The following DPYD variants were observed in gnomAD, a reference collection of about 807,000 sequenced individuals.
DPYD encodes dihydropyrimidine dehydrogenase [NADP(+)].
Under a neutral mutation model 116.2 loss-of-function variants are expected in DPYD, and 109 were observed. The observed-to-expected ratio is 0.94, with a 90% CI of 0.80 to 1.10. The LOEUF is 1.10. DPYD is among the 50% of genes least tolerant of loss of function. DPYD has a pLI of 0.00. For missense variants in DPYD, 1,302 were observed against 1,254.5 expected (o/e 1.04, Z -0.57); for synonymous variants, 440 against 432.0 (o/e 1.02, Z -0.23).
intron 20 of DPYD, among the ~76,000 whole-genome samples, chr1:97,138,867 C>G (rs1412630865): frequency 6.6e-6 from 1 of 152,130 alleles, no homozygotes; most frequent in Non-Finnish European, 1.5e-5. Context: ...TTATGAGTTA[C>G]TGTGCAGCAC....
At chr1:97,119,176 A>G in intron 20 of DPYD, among the ~76,000 whole-genome samples, 1 of 152,224 alleles carries the variant, frequency 6.6e-6, no homozygotes. Flanking sequence ...ATGGCAGTGC[A>G]TTCTATAATT....
chr1:97,706,693 T>C (rs1401102532), intron 5 of DPYD, among the ~76,000 whole-genome samples: 1 of 152,108 alleles, frequency 6.6e-6, no homozygotes, highest in Non-Finnish European at 1.5e-5. Context: ...CATGGCTTGA[T>C]AGCTCCTCTC....
chr1:97,086,534 C>A (rs955164979), intron 21 of DPYD, among the ~76,000 whole-genome samples: 1 of 152,130 alleles, frequency 6.6e-6, no homozygotes. Flanking sequence ...TATTTTCAAA[C>A]TGTGATTATC....
intron 20 of DPYD, among the ~76,000 whole-genome samples, chr1:97,119,378 G>A (rs1652244078): frequency 6.6e-6 from 1 of 152,140 alleles, no homozygotes; most frequent in African/African-American, 2.4e-5. Context: ...ACAGGAAGAT[G>A]ATATCAAAGA....
intron 18 of DPYD, among the ~76,000 whole-genome samples, chr1:97,275,701 T>C (rs1378520054): frequency 6.6e-6 from 1 of 152,200 alleles, no homozygotes; most frequent in African/African-American, 2.4e-5. Context: ...AGGTGGATAA[T>C]AGTTTGCCAA....
chr1:97,521,016 G>T (rs1022751805), intron 12 of DPYD, among the ~76,000 whole-genome samples: 2 of 152,082 alleles, frequency 1.3e-5, no homozygotes, highest in African/African-American at 2.4e-5. Flanking sequence ...GGGTCAAATG[G>T]TATTTCTGGT....
At chr1:97,657,283 C>A (rs1018533904) in intron 8 of DPYD, among the ~76,000 whole-genome samples, 2 of 151,936 alleles carry the variant, frequency 1.3e-5, no homozygotes, top group Non-Finnish European at 2.9e-5. Context: ...TTCTTTAGGA[C>A]CTTCACTGTT....
chr1:97,217,036 C>T (rs547830010), intron 19 of DPYD, among the ~76,000 whole-genome samples: 3 of 152,022 alleles, frequency 2.0e-5, no homozygotes, highest in South Asian at 4.2e-4. Context: ...GGTGAAACTC[C>T]GTCTCTACTA....
chr1:97,789,933 T>C (rs967392846), intron 3 of DPYD, among the ~76,000 whole-genome samples: 2 of 152,074 alleles, frequency 1.3e-5, no homozygotes, highest in Non-Finnish European at 2.9e-5. Context: ...AGATTGATGG[T>C]TTTGAAAAAC....
intron 8 of DPYD, among the ~76,000 whole-genome samples, chr1:97,601,805 G>A (rs1401479069): frequency 6.6e-6 from 1 of 151,892 alleles, no homozygotes; most frequent in Non-Finnish European, 1.5e-5. Flanking sequence ...AATGCGTTTA[G>A]TACTGAGTGT....
At chr1:97,230,624 T>C (rs1054377872) in intron 19 of DPYD, among the ~76,000 whole-genome samples, 1 of 152,010 alleles carries the variant, frequency 6.6e-6, no homozygotes, top group African/African-American at 2.4e-5. Flanking sequence ...TACCCTGAAC[T>C]TAAAATAAAA....
At position 97,659,871 on chromosome 1, in the gene DPYD, T is replaced by C. The variant is rs548483448; in HGVS notation, c.850+19224A>G. 1.1e-4 allele frequency among the ~76,000 whole-genome samples: 17 copies of C among 152,248 alleles called. No individual in the cohort carries two copies. The South Asian group carries it at 3.3e-3, about 30-fold the overall frequency. On this transcript the variant is annotated intron_variant, in intron 8 of 22. Transcript: ENST00000370192. ...ATTTCCACCTTACTGTATATGAGTA[T>C]TGTATATTCATATGGTCATCTGATT...
At chr1:97,628,860 T>G (rs569142501) in intron 8 of DPYD, among the ~76,000 whole-genome samples, 20 of 152,150 alleles carry the variant, frequency 1.3e-4, no homozygotes, top group Non-Finnish European at 2.8e-4. Context: ...TTATAGCCTA[T>G]GTACTATCTG....
chr1:97,587,377 G>A (rs1222167493), intron 10 of DPYD, among the ~76,000 whole-genome samples: 1 of 152,148 alleles, frequency 6.6e-6, no homozygotes. Context: ...CTCAAATGAC[G>A]TGCAGGTGCC....
chr1:97,398,149 A>C (rs1324965524), intron 14 of DPYD, among the ~76,000 whole-genome samples: 3 of 151,966 alleles, frequency 2.0e-5, no homozygotes, highest in Non-Finnish European at 4.4e-5. Context: ...CCCTGTGTCC[A>C]AGTGTTCTCA....
chr1:97,800,674 C>T (rs145904759), intron 3 of DPYD, among the ~76,000 whole-genome samples: 96 of 152,006 alleles, frequency 6.3e-4, no homozygotes, highest in African/African-American at 2.3e-3. Context: ...AATAGTGCTG[C>T]CACCATCTCT....
At chr1:97,380,167 T>A (rs553131378) in intron 15 of DPYD, among the ~76,000 whole-genome samples, 57 of 152,358 alleles carry the variant, frequency 3.7e-4, no homozygotes, top group Admixed American at 1.6e-3. Context: ...GTGAATATTG[T>A]GAACCTTCAG....
At chr1:97,138,885 G>A (rs776002122) in intron 20 of DPYD, among the ~76,000 whole-genome samples, 23 of 152,096 alleles carry the variant, frequency 1.5e-4, no homozygotes, top group Non-Finnish European at 2.4e-4. Flanking sequence ...CACCAGTGAC[G>A]AGCTTTCACT....
intron 2 of DPYD, among the ~76,000 whole-genome samples, chr1:97,830,189 A>C (rs950068294): frequency 6.6e-6 from 1 of 152,214 alleles, no homozygotes; most frequent in Non-Finnish European, 1.5e-5. Context: ...TGCCATTGTG[A>C]ATAGTGCCTC....
Sources: gnomAD v4.1 joint callset for allele counts (sites outside exome capture counted in the v4.1 genomes callset) on GRCh38, gnomAD v4.1.1 for gene constraint, MANE v1.5 for transcripts, NCBI Gene and HGNC (gene_info 2026-07-23, HGNC 2026-07-21) for gene names.